The following ADAMTS16 variants were observed in gnomAD, a reference collection of about 807,000 sequenced individuals.
The protein encoded by ADAMTS16 is A disintegrin and metalloproteinase with thrombospondin motifs 16.
Under a neutral mutation model 145.8 loss-of-function variants are expected in ADAMTS16, and 94 were observed. The ratio of observed to expected loss-of-function variants is 0.64; its 90% CI spans 0.55 to 0.77. The LOEUF (loss-of-function observed/expected upper bound fraction) is 0.77. Among genes scored for constraint, ADAMTS16 ranks in the 30% least tolerant of loss-of-function variants. The probability of loss-of-function intolerance (pLI) is 0.00; values close to 1 mark genes in which losing one functional copy is unlikely to be tolerated. For missense variants in ADAMTS16, 1,585 were observed against 1,591.5 expected, an observed-to-expected ratio of 1.00 and a Z score of 0.07; for synonymous variants, 659 against 604.3, an observed-to-expected ratio of 1.09 and a Z score of -1.33.
intron 3 of ADAMTS16, among the ~76,000 whole-genome samples, chr5:5,148,356 G>A (rs1295971705): frequency 6.6e-6 from 1 of 152,180 alleles, no homozygotes; most frequent in South Asian, 2.1e-4. Flanking sequence ...GCCCAGGGGC[G>A]ATCACTTTGA....
In ADAMTS16 at chr5:5,238,431, G is replaced by A. The variant is rs59709183; in HGVS notation, c.2155-720G>A. Among the ~76,000 whole-genome samples the A allele has an allele frequency of 7.2e-3, 1,092 of 152,230 alleles. 12 individuals are homozygous for A. The highest frequency in any genetic ancestry group is 0.024 in the African/African-American group (985 of 41,530). On this transcript the variant is annotated intron_variant, in intron 14 of 22. Transcript: ENST00000274181. ...CTAAGCCCTTGTGGGATTCTCATATGCATTTCATACGTCACCTTTTAGACA... is the reference window on the plus strand; with the variant it reads ...CTAAGCCCTTGTGGGATTCTCATATACATTTCATACGTCACCTTTTAGACA...
At chr5:5,185,786 A>G (rs1437147450) in intron 4 of ADAMTS16, among the ~76,000 whole-genome samples, 1 of 152,236 alleles carries the variant, frequency 6.6e-6, no homozygotes, top group Non-Finnish European at 1.5e-5. Flanking sequence ...ACAGCCAAAG[A>G]GTGCCCTCTC....
intron 3 of ADAMTS16, among the ~76,000 whole-genome samples, chr5:5,165,971 T>C (rs71596740): frequency 0.074 from 11,232 of 152,200 alleles, 576 homozygotes; most frequent in African/African-American, 0.14. Context: ...CCTCGCACTG[T>C]CCTTAGCCTT....
At chr5:5,307,981 G>GCTAAA (rs1170683086) in intron 21 of ADAMTS16, among the ~76,000 whole-genome samples, 1 of 152,184 alleles carries the variant, frequency 6.6e-6, no homozygotes, top group Non-Finnish European at 1.5e-5. Flanking sequence ...ATTGTCATGG[G>GCTAAA]GGCTGAATGC....
chr5:5,306,575 G>C lies in ADAMTS16; in HGVS notation c.3258G>C (p.Lys1086Asn). The C allele has an allele frequency of 6.2e-7, 1 of 1,614,222 alleles. No individual in the cohort carries two copies. Among genetic ancestry groups the C allele is most frequent in the Non-Finnish European group, 8.5e-7 (1 of 1,180,056 alleles). ...LKCAEKYVSG[K>N]YRELASKKCS... ...GTGCTGAAAAGTATGTTTCTGGAAA[G>C]TATCGAGAGCTGGCCTCAAAGAAGT... is the stretch of plus-strand genomic sequence containing the variant. The change falls in exon 21 of 23, where the codon AAG (lysine) becomes AAC (asparagine). Residue 1086 changes from lysine to asparagine, a missense_variant. Lys to Asn is a moderately conservative substitution (Grantham distance 94). Coordinates refer to ENST00000274181, the MANE Select transcript of ADAMTS16 (RefSeq NM_139056.4).
intron 18 of ADAMTS16, among the ~76,000 whole-genome samples, chr5:5,271,665 C>T (rs1173704673): frequency 6.6e-6 from 1 of 152,196 alleles, no homozygotes; most frequent in Non-Finnish European, 1.5e-5. Context: ...TAATCACACA[C>T]CTGCCAGGAC....
intron 3 of ADAMTS16, among the ~76,000 whole-genome samples, chr5:5,157,066 G>T (rs1734622370): frequency 6.7e-6 from 1 of 150,120 alleles, no homozygotes; most frequent in African/African-American, 2.4e-5. Flanking sequence ...TCCATCATTT[G>T]TCATTAGTTG....
At chr5:5,142,372 C>T (rs1734191955) in intron 2 of ADAMTS16, 2 of 152,258 alleles carry the variant, frequency 1.3e-5, no homozygotes, top group South Asian at 4.1e-4. Context: ...TGGTAAGAAC[C>T]TGAAGGGGAA....
intron 9 of ADAMTS16, among the ~76,000 whole-genome samples, chr5:5,206,891 A>G (rs1031558733): frequency 3.9e-5 from 6 of 152,132 alleles, no homozygotes; most frequent in Non-Finnish European, 8.8e-5. Context: ...TCAGTTGACT[A>G]TATTTATGTG....
chr5:5,318,786 T>C (rs1734158734), intron 22 of ADAMTS16, among the ~76,000 whole-genome samples: 1 of 152,098 alleles, frequency 6.6e-6, no homozygotes, highest in Non-Finnish European at 1.5e-5. Context: ...GGTAGATGCG[T>C]GGTTGAGTGA....
At chr5:5,141,167 TCTC>T (rs1332735570) in intron 2 of ADAMTS16, among the ~76,000 whole-genome samples, 1 of 152,138 alleles carries the variant, frequency 6.6e-6, no homozygotes, top group Non-Finnish European at 1.5e-5. Flanking sequence ...CTTTCCTCCT[TCTC>T]CTCCTTTATA....
At chr5:5,200,788 A>G (rs907153204) in intron 9 of ADAMTS16, among the ~76,000 whole-genome samples, 1 of 151,714 alleles carries the variant, frequency 6.6e-6, no homozygotes, top group African/African-American at 2.4e-5. Flanking sequence ...TGAGTATATA[A>G]ACTTTAACCT....
intron 21 of ADAMTS16, among the ~76,000 whole-genome samples, chr5:5,313,065 T>C (rs1740521986): frequency 6.6e-6 from 1 of 152,238 alleles, no homozygotes; most frequent in Non-Finnish European, 1.5e-5. Context: ...AACTGTATCT[T>C]CAATAGCTGT....
intron 10 of ADAMTS16, among the ~76,000 whole-genome samples, chr5:5,221,457 C>T (rs1736603912): frequency 6.6e-6 from 1 of 152,190 alleles, no homozygotes; most frequent in South Asian, 2.1e-4. Flanking sequence ...TAACACAACA[C>T]ACTTATCACA....
chr5:5,316,856 A>G (rs1430039114), intron 21 of ADAMTS16, among the ~76,000 whole-genome samples: 1 of 152,202 alleles, frequency 6.6e-6, no homozygotes, highest in Non-Finnish European at 1.5e-5. Context: ...CCTGAAGGGC[A>G]CTACTTCTTT....
chr5:5,249,194 A>C (rs1284918473), intron 17 of ADAMTS16, among the ~76,000 whole-genome samples: 1 of 152,174 alleles, frequency 6.6e-6, no homozygotes, highest in East Asian at 1.9e-4. Context: ...ATCTTGAGCA[A>C]GCAAATTACA....
intron 18 of ADAMTS16, among the ~76,000 whole-genome samples, chr5:5,263,828 G>C (rs2126435434): frequency 6.6e-6 from 1 of 152,320 alleles, no homozygotes; most frequent in South Asian, 2.1e-4. Context: ...CCACCAGCGG[G>C]GGCAAAGGGC....
At chr5:5,262,885 A>G (rs1249868766) in intron 18 of ADAMTS16, 102 bp downstream of exon 18, 6 of 1,517,552 alleles carry the variant, frequency 4.0e-6, no homozygotes, top group Non-Finnish European at 5.4e-6. Flanking sequence ...GATTGCCATC[A>G]TGTCACTCAT....
At position 5,319,181 on chromosome 5, in the gene ADAMTS16, C is replaced by T. The variant is rs768745736; in HGVS notation, c.*43C>T. The T allele has an allele frequency of 2.1e-6, 3 of 1,426,088 alleles. No homozygotes were observed. The highest frequency in any genetic ancestry group is 1.2e-5 in the South Asian group (1 of 83,614). 88.3% of individuals were successfully genotyped at this position (1,426,088 alleles called of 1,614,324 possible). On this transcript the variant is annotated 3_prime_UTR_variant, in exon 23 of 23. Coordinates refer to ENST00000274181, the MANE Select transcript of ADAMTS16 (RefSeq NM_139056.4). ...TAGCAGAGAAAGTGCCTGCGTGGCA[C>T]AGAAATTTCCCACAAATGAGCTGTG...
Sources: allele counts gnomAD v4.1 joint callset (sites outside exome capture counted in the v4.1 genomes callset), GRCh38; gene constraint gnomAD v4.1.1; transcripts MANE v1.5; gene names NCBI Gene and HGNC (gene_info 2026-07-23, HGNC 2026-07-21).